UTP18: variants seen among roughly 807,000 people sequenced by gnomAD.
UTP18 encodes the protein UTP18 small subunit processome component, also known as U3 small nucleolar RNA-associated protein 18 homolog.
A neutral mutation model predicts 61.1 loss-of-function variants in UTP18; 36 were observed. The ratio of observed to expected loss-of-function variants is 0.59; its 90% CI spans 0.45 to 0.78. The LOEUF (loss-of-function observed/expected upper bound fraction) is 0.78, where lower values mean the gene tolerates loss of function less well. Ranked by LOEUF, UTP18 falls within the 30% of genes least tolerant of loss-of-function variation. The pLI is 0.00. For missense variants in UTP18, 753 were observed against 693.9 expected, an observed-to-expected ratio of 1.09 and a Z score of -0.96; for synonymous variants, 282 against 251.1, an observed-to-expected ratio of 1.12 and a Z score of -1.16.
chr17:51,271,276 A>G (rs1340945834), intron 4 of UTP18, among the ~76,000 whole-genome samples: 1 of 151,744 alleles, frequency 6.6e-6, no homozygotes, highest in Non-Finnish European at 1.5e-5. Context: ...ATTATTAGTA[A>G]TACGTATATT....
At chr17:51,266,108 C>A in intron 2 of UTP18, 74 bp from the exon 3 acceptor site, 1 of 1,149,344 alleles carries the variant, frequency 8.7e-7, no homozygotes, top group Non-Finnish European at 1.2e-6. Flanking sequence ...CATTTTTCTC[C>A]AAGTGCTAAA....
In UTP18 at chr17:51,271,991, C is replaced by T. The variant is rs192397715; in HGVS notation, c.623-1371C>T. On this transcript the variant is annotated intron_variant, in intron 4 of 13. Transcript: ENST00000225298. ...CCTATTGGGGGCTTACTTTTAATTACGTATTTTTCAGCTCTAGAATTTCTT... is the reference window on the plus strand; with the variant it reads ...CCTATTGGGGGCTTACTTTTAATTATGTATTTTTCAGCTCTAGAATTTCTT... 4.4e-4 allele frequency among the ~76,000 whole-genome samples: 67 copies of T among 152,052 alleles called. No individual in the cohort carries two copies. The South Asian group carries it at 0.013, about 30-fold the overall frequency.
intron 9 of UTP18, among the ~76,000 whole-genome samples, chr17:51,280,988 G>A (rs1421969714): frequency 6.6e-6 from 1 of 151,732 alleles, no homozygotes; most frequent in East Asian, 1.9e-4. Context: ...GACCAGCCTG[G>A]CCAACATGGT....
intron 10 of UTP18, chr17:51,286,353 T>G (rs1905114047): frequency 7.9e-6 from 3 of 378,310 alleles, no homozygotes; most frequent in South Asian, 5.9e-5. Flanking sequence ...TTTTTGTGAT[T>G]TTCTTAGACC....
intron 13 of UTP18, among the ~76,000 whole-genome samples, chr17:51,297,460 A>G (rs1445755302): frequency 6.6e-6 from 1 of 152,224 alleles, no homozygotes; most frequent in Non-Finnish European, 1.5e-5. Flanking sequence ...ATTTAAAACC[A>G]TAGAACATCC....
chr17:51,280,872 AAAAAC>A (rs1045883108), intron 9 of UTP18, among the ~76,000 whole-genome samples: 48 of 151,654 alleles, frequency 3.2e-4, no homozygotes, highest in African/African-American at 1.1e-3. Flanking sequence ...CTCTGTCTCA[AAAAAC>A]AAAAGCAAAA....
At chr17:51,287,661 A>T (rs1269431699) in intron 10 of UTP18, among the ~76,000 whole-genome samples, 1 of 152,158 alleles carries the variant, frequency 6.6e-6, no homozygotes, top group African/African-American at 2.4e-5. Context: ...ACTGATTTGG[A>T]TGTGGTGGGT....
intron 3 of UTP18, among the ~76,000 whole-genome samples, chr17:51,268,334 A>G (rs1218376030): frequency 6.6e-6 from 1 of 152,228 alleles, no homozygotes; most frequent in Non-Finnish European, 1.5e-5. Flanking sequence ...CCCAGGTACC[A>G]GTTCTTACGA....
chr17:51,294,979 T>C (rs533990176), intron 12 of UTP18, among the ~76,000 whole-genome samples: 2 of 152,270 alleles, frequency 1.3e-5, no homozygotes, highest in East Asian at 1.9e-4. Context: ...TTTCATGTGT[T>C]TTTTGGCTGC....
At chr17:51,289,167 C>A (rs1905184612) in intron 11 of UTP18, among the ~76,000 whole-genome samples, 1 of 151,406 alleles carries the variant, frequency 6.6e-6, no homozygotes, top group Non-Finnish European at 1.5e-5. Flanking sequence ...TATGCAGTGG[C>A]CACCCTTGTA....
rs1424580874 is a variant in UTP18 at position 51,260,713 on chromosome 17, C to G, written c.129C>G (p.Ala43=). The stretch of plus-strand genomic sequence containing the variant: ...CAGGCGGGCCTCCCCAAAAGCCTGC[C>G]CCTTCATCCCAGCGGAAACCGCCGG... ...AGPGGPPQKP[A]PSSQRKPPAR... Residue 43 remains alanine, a synonymous_variant, in exon 1 of 14, where the codon GCC becomes GCG. Coordinates refer to ENST00000225298, the MANE Select transcript of UTP18 (RefSeq NM_016001.3). 6.2e-7 allele frequency: 1 copy of G among 1,600,508 alleles called. No individual in the cohort carries two copies. The highest frequency in any genetic ancestry group is 8.5e-7 in the Non-Finnish European group (1 of 1,174,572).
chr17:51,277,658 C>T (rs946640351), intron 7 of UTP18, among the ~76,000 whole-genome samples: 2 of 152,144 alleles, frequency 1.3e-5, no homozygotes, highest in African/African-American at 4.8e-5. Context: ...TGTTTCACCT[C>T]TCTGATCTTC....
At position 51,260,581 on chromosome 17, in the gene UTP18, A is replaced by G. The variant is rs1434992890; in HGVS notation, c.-4A>G. 1.9e-6 allele frequency: 3 copies of G among 1,611,414 alleles called. No homozygotes were observed. Among genetic ancestry groups the G allele is most frequent in the Non-Finnish European group, 1.7e-6 (2 of 1,179,312 alleles). Reference sequence around the variant, plus strand: ...AGCGCCTGCGTTTCTCCTCAAACCTAACGATGCCGCCGGAGCGGAGGAGAC... The same window carrying G: ...AGCGCCTGCGTTTCTCCTCAAACCTGACGATGCCGCCGGAGCGGAGGAGAC... On this transcript the variant is annotated 5_prime_UTR_variant, in exon 1 of 14. Transcript: ENST00000225298.
intron 11 of UTP18, among the ~76,000 whole-genome samples, chr17:51,290,641 TC>T (rs1350898215): frequency 6.6e-6 from 1 of 152,224 alleles, no homozygotes; most frequent in East Asian, 1.9e-4. Flanking sequence ...ATGGGATCTA[TC>T]TCCTGTTGAC....
At chr17:51,276,513 C>T (rs747101443) in intron 6 of UTP18, among the ~76,000 whole-genome samples, 12 of 152,108 alleles carry the variant, frequency 7.9e-5, no homozygotes, top group South Asian at 2.1e-4. Context: ...TAGAGCAAAG[C>T]GATAATATAA....
At chr17:51,281,780 T>C (rs1398851974) in intron 9 of UTP18, among the ~76,000 whole-genome samples, 3 of 152,210 alleles carry the variant, frequency 2.0e-5, no homozygotes, top group Admixed American at 6.5e-5. Flanking sequence ...CCTTACAGTG[T>C]GTGTGAATCT....
At chr17:51,295,441 A>ATCTG (rs1905342746) in intron 12 of UTP18, among the ~76,000 whole-genome samples, 1 of 152,208 alleles carries the variant, frequency 6.6e-6, no homozygotes, top group African/African-American at 2.4e-5. Context: ...TCCCAGCACC[A>ATCTG]TTTATTAAAT....
intron 11 of UTP18, among the ~76,000 whole-genome samples, chr17:51,293,264 TCTTC>T (rs1010357919): frequency 3.9e-5 from 6 of 152,342 alleles, no homozygotes; most frequent in South Asian, 4.1e-4. Flanking sequence ...TTTTTCTCTT[TCTTC>T]CTTTTCTGCT....
chr17:51,281,400 A>G (rs1904918238), intron 9 of UTP18, among the ~76,000 whole-genome samples: 1 of 152,100 alleles, frequency 6.6e-6, no homozygotes, highest in Non-Finnish European at 1.5e-5. Flanking sequence ...ATGAAAATTA[A>G]AATAAAATTT....
Sources: gnomAD v4.1 joint callset for allele counts (sites outside exome capture counted in the v4.1 genomes callset) on GRCh38, gnomAD v4.1.1 for gene constraint, MANE v1.5 for transcripts, NCBI Gene and HGNC (gene_info 2026-07-23, HGNC 2026-07-21) for gene names.